Variants in MYOM1 observed in about 807,000 individuals in gnomAD.
MYOM1 encodes myomesin 1.
MYOM1 carries 164 observed loss-of-function variants against 205.3 expected under a neutral mutation model. That is an observed-to-expected ratio of 0.80 (90% CI 0.70 to 0.91). The LOEUF (loss-of-function observed/expected upper bound fraction) is 0.91, where lower values mean the gene tolerates loss of function less well. Ranked by LOEUF, MYOM1 falls within the 40% of genes least tolerant of loss-of-function variation. The pLI is 0.00. For missense variants in MYOM1, 2,011 were observed against 2,127.3 expected (o/e 0.95, Z 1.08); for synonymous variants, 772 against 789.4 (o/e 0.98, Z 0.37).
intron 22 of MYOM1, 115 bp downstream of exon 22, chr18:3,112,183 T>A (rs752211166): frequency 8.8e-5 from 68 of 771,410 alleles, no homozygotes; most frequent in Non-Finnish European, 1.4e-4. Flanking sequence ...ATCAATTATA[T>A]TCAGATAGCA....
At chr18:3,087,997 A>C (rs140766193) in intron 29 of MYOM1, among the ~76,000 whole-genome samples, 2 of 152,302 alleles carry the variant, frequency 1.3e-5, no homozygotes, top group East Asian at 3.9e-4. Context: ...TCTAGAGATG[A>C]CTGAGCTGGG....
At chr18:3,172,774 G>T (rs2080580182) in intron 8 of MYOM1, among the ~76,000 whole-genome samples, 1 of 152,190 alleles carries the variant, frequency 6.6e-6, no homozygotes, top group South Asian at 2.1e-4. Context: ...GCCTCGCAAA[G>T]TGTTGGGATT....
At chr18:3,085,199 T>TC (rs969994922) in intron 30 of MYOM1, 67 bp from the exon 31 acceptor site, 9 of 888,456 alleles carry the variant, frequency 1.0e-5, no homozygotes, top group Non-Finnish European at 1.3e-5. Context: ...TGTGATTTTT[T>TC]TTTTTCTTCT....
intron 5 of MYOM1, among the ~76,000 whole-genome samples, chr18:3,177,445 C>CATCATT (rs1470523868): frequency 2.9e-5 from 4 of 139,262 alleles, no homozygotes; most frequent in Non-Finnish European, 6.1e-5. Context: ...GAAGCAATAT[C>CATCATT]ATTATTATTA....
At chr18:3,222,453 C>G (rs1013196144), upstream of MYOM1, among the ~76,000 whole-genome samples, 6 of 152,162 alleles carry the variant, frequency 3.9e-5, no homozygotes, top group African/African-American at 1.4e-4. Context: ...TCACAGGGAT[C>G]TTGAGTATCA....
intron 22 of MYOM1, among the ~76,000 whole-genome samples, chr18:3,110,042 C>CA (rs546174726): frequency 1.2e-3 from 189 of 152,098 alleles, no homozygotes; most frequent in Admixed American, 1.8e-3. Flanking sequence ...CTCTTCCCCA[C>CA]AAAAAATGAT....
intron 10 of MYOM1, among the ~76,000 whole-genome samples, chr18:3,160,829 T>A (rs1277540338): frequency 6.6e-6 from 1 of 152,182 alleles, no homozygotes; most frequent in Admixed American, 6.5e-5. Flanking sequence ...AAATTTTAAA[T>A]TGGAACACCT....
intron 21 of MYOM1, among the ~76,000 whole-genome samples, chr18:3,114,622 G>A (rs1300751817): frequency 6.8e-6 from 1 of 146,082 alleles, no homozygotes; most frequent in Non-Finnish European, 1.5e-5. Flanking sequence ...GGGCTCAAGT[G>A]ATTTGCCTGC....
chr18:3,243,978 A>G, the MYOM1 span, among the ~76,000 whole-genome samples: 2 of 152,180 alleles, frequency 1.3e-5, no homozygotes, highest in Non-Finnish European at 2.9e-5. Context: ...CCTTGTAGAA[A>G]TTATAGTACT....
intron 2 of MYOM1, among the ~76,000 whole-genome samples, chr18:3,197,469 A>G (rs1269621440): frequency 2.6e-5 from 4 of 152,160 alleles, no homozygotes; most frequent in African/African-American, 9.7e-5. Context: ...TACTACCTAT[A>G]TATGTTTATT....
At chr18:3,153,737 T>C (rs2080252753) in intron 11 of MYOM1, among the ~76,000 whole-genome samples, 1 of 152,250 alleles carries the variant, frequency 6.6e-6, no homozygotes, top group Non-Finnish European at 1.5e-5. Context: ...ATTTATGTAC[T>C]GCGAAGTTCA....
At position 3,151,866 on chromosome 18, in the gene MYOM1, C is replaced by A. The variant is rs776158670; in HGVS notation, c.1671G>T (p.Ser557=). ...DKCEVGTDSW[S]QCNDTPVKFA... ...ACTTCACAGGTGTGTCATTGCACTG[C>A]GACCAGCTATCTGTGCCCACCTCAC... is the stretch of plus-strand genomic sequence containing the variant. Residue 557 remains serine, a synonymous_variant, in exon 12 of 38, where the codon TCG becomes TCT. Coordinates refer to ENST00000356443, the MANE Select transcript of MYOM1 (RefSeq NM_003803.4). 1 of 1,612,534 alleles carries A rather than the reference C, an allele frequency of 6.2e-7. No homozygotes were observed. Among genetic ancestry groups the A allele is most frequent in the African/African-American group, 1.3e-5 (1 of 74,880 alleles).
chr18:3,119,799 C>T (rs2079657928), intron 20 of MYOM1, 70 bp downstream of exon 20: 1 of 1,536,048 alleles, frequency 6.5e-7, no homozygotes, highest in Non-Finnish European at 8.8e-7. Flanking sequence ...CTTTGAATTT[C>T]ATTCCAGGTT....
At position 3,134,557 on chromosome 18, in the gene MYOM1, T is replaced by TA. The variant is rs1002212937; in HGVS notation, c.2384+92dup. The TA allele has an allele frequency of 1.7e-5, 22 of 1,324,332 alleles. No individual in the cohort carries two copies. In the South Asian group the frequency reaches 2.1e-4, roughly 12 times the overall value. The allele number at this position is 1,324,332 out of a possible 1,614,324, so 82.0% of individuals were successfully genotyped here. Reference sequence around the variant, plus strand: ...CATCCAGCCAAAAAGTAAAATTTTTTAAAAAAATCTCCTCCATTGGATGTC... The same window carrying TA: ...CATCCAGCCAAAAAGTAAAATTTTTTAAAAAAAATCTCCTCCATTGGATGTC... On this transcript the variant is annotated intron_variant, in intron 16 of 37. Coordinates refer to ENST00000356443, the MANE Select transcript of MYOM1 (RefSeq NM_003803.4).
At chr18:3,240,938 C>A in the MYOM1 span, among the ~76,000 whole-genome samples, 2 of 152,074 alleles carry the variant, frequency 1.3e-5, no homozygotes, top group Admixed American at 6.6e-5. Flanking sequence ...GACATTTCGC[C>A]CCTGCCATAG....
chr18:3,175,517 T>G (rs2080624917), intron 6 of MYOM1, among the ~76,000 whole-genome samples: 1 of 152,248 alleles, frequency 6.6e-6, no homozygotes, highest in Admixed American at 6.5e-5. Flanking sequence ...ATGTCTAGCC[T>G]GCTTCACATA....
chr18:3,103,131 G>A (rs1048011430), intron 22 of MYOM1, among the ~76,000 whole-genome samples: 2 of 152,248 alleles, frequency 1.3e-5, no homozygotes, highest in Non-Finnish European at 2.9e-5. Context: ...AATTGAATGG[G>A]AGAAAGTAGA....
chr18:3,067,134 G>A lies in MYOM1; in HGVS notation c.*128C>T. ...TTGGTGCTTTTTTATATGAGTGAAA[G>A]ACCTGACATTATTTTCCCCTCAAGC... On this transcript the variant is annotated 3_prime_UTR_variant, in exon 38 of 38. Transcript: ENST00000356443. The A allele has an allele frequency of 9.8e-7, 1 of 1,019,638 alleles. No individual in the cohort carries two copies. The highest frequency in any genetic ancestry group is 1.4e-6 in the Non-Finnish European group (1 of 713,446). The allele number at this position is 1,019,638 out of a possible 1,614,324, so 63.2% of individuals were successfully genotyped here.
intron 25 of MYOM1, among the ~76,000 whole-genome samples, chr18:3,099,690 T>C (rs917956939): frequency 2.0e-5 from 3 of 152,242 alleles, no homozygotes; most frequent in African/African-American, 2.4e-5. Flanking sequence ...GACGAAGGCA[T>C]GTTTGCCCAA....
Sources: allele counts gnomAD v4.1 joint callset (sites outside exome capture counted in the v4.1 genomes callset), GRCh38; gene constraint gnomAD v4.1.1; transcripts MANE v1.5; gene names NCBI Gene and HGNC (gene_info 2026-07-23, HGNC 2026-07-21).